The following HIVEP2 variants were observed in gnomAD, a reference collection of about 807,000 sequenced individuals.
The protein encoded by HIVEP2 is transcription factor HIVEP2.
Under a neutral mutation model 180.7 loss-of-function variants are expected in HIVEP2, and 14 were observed. That is an observed-to-expected ratio of 0.08 (90% CI 0.05 to 0.12). The LOEUF is 0.12. Among genes scored for constraint, HIVEP2 ranks in the 10% least tolerant of loss-of-function variants. The pLI, the probability that HIVEP2 is intolerant of heterozygous loss-of-function variation, is 1.00. For missense variants in HIVEP2, 2,579 were observed against 3,008.5 expected, an observed-to-expected ratio of 0.86 and a Z score of 3.34; for synonymous variants, 1,184 against 1,136.4, an observed-to-expected ratio of 1.04 and a Z score of -0.84.
chr6:142,768,141 T>A (rs1775420256), intron 6 of HIVEP2, among the ~76,000 whole-genome samples: 1 of 152,012 alleles, frequency 6.6e-6, no homozygotes, highest in South Asian at 2.1e-4. Flanking sequence ...ATTAGAGGGG[T>A]GAAAATTTAA....
rs562387816 is a variant in HIVEP2 at position 142,932,647 on chromosome 6, GA to G, written c.-641+12451del. Among the ~76,000 whole-genome samples the G allele has an allele frequency of 8.9e-4, 136 of 152,306 alleles. 1 individual carries two copies. In the South Asian group the frequency reaches 0.015, roughly 16 times the overall value. On this transcript the variant is annotated intron_variant, in intron 1 of 9. Coordinates refer to ENST00000367603, the MANE Select transcript of HIVEP2 (RefSeq NM_006734.4). Reference sequence around the variant, plus strand: ...GATTGCTATCTTTAAATAATTGTAGGATTGTCATGCAAGACAATGAGTAAAC... The same window carrying G: ...GATTGCTATCTTTAAATAATTGTAGGTTGTCATGCAAGACAATGAGTAAAC...
intron 2 of HIVEP2, among the ~76,000 whole-genome samples, chr6:142,825,972 AG>A (rs1246298101): frequency 1.3e-5 from 2 of 152,132 alleles, no homozygotes; most frequent in Non-Finnish European, 2.9e-5. Flanking sequence ...TTTAAAATAA[AG>A]CAATAAATAT....
chr6:142,875,066 C>T (rs1158788090), intron 1 of HIVEP2, among the ~76,000 whole-genome samples: 1 of 152,160 alleles, frequency 6.6e-6, no homozygotes, highest in Non-Finnish European at 1.5e-5. Flanking sequence ...ATTTCAGATT[C>T]TGATCATTTC....
At chr6:142,818,227 C>T (rs1373114843) in intron 2 of HIVEP2, among the ~76,000 whole-genome samples, 2 of 152,134 alleles carry the variant, frequency 1.3e-5, no homozygotes, top group Non-Finnish European at 2.9e-5. Flanking sequence ...GTCCAATGTA[C>T]AAGCTCCCTT....
At chr6:142,933,307 T>C (rs1431648539) in intron 1 of HIVEP2, among the ~76,000 whole-genome samples, 1 of 152,200 alleles carries the variant, frequency 6.6e-6, no homozygotes, top group Non-Finnish European at 1.5e-5. Context: ...CTGTAAAACT[T>C]TGAAATGAAA....
intron 1 of HIVEP2, among the ~76,000 whole-genome samples, chr6:142,911,758 G>T (rs945702072): frequency 1.3e-5 from 2 of 152,106 alleles, no homozygotes; most frequent in African/African-American, 4.8e-5. Context: ...AACAATCAGG[G>T]GAAATGTGTG....
chr6:142,803,408 C>T (rs1408915178), intron 2 of HIVEP2, among the ~76,000 whole-genome samples: 1 of 152,012 alleles, frequency 6.6e-6, no homozygotes, highest in African/African-American at 2.4e-5. Context: ...AAAGGCAAGG[C>T]ATATAATTAG....
At chr6:142,924,353 C>T (rs1047468646) in intron 1 of HIVEP2, among the ~76,000 whole-genome samples, 1 of 151,568 alleles carries the variant, frequency 6.6e-6, no homozygotes, top group Non-Finnish European at 1.5e-5. Flanking sequence ...GCAACTACTC[C>T]GGGTCAGGCA....
intron 1 of HIVEP2, among the ~76,000 whole-genome samples, chr6:142,901,124 T>C (rs921151524): frequency 5.9e-5 from 9 of 152,248 alleles, no homozygotes; most frequent in African/African-American, 2.2e-4. Context: ...GCTAGCAAAC[T>C]GATTCTTTTC....
Position 142,773,731 on chromosome 6 carries a change from A to G in HIVEP2, c.1008T>C (p.Pro336=). 6.2e-7 allele frequency: 1 copy of G among 1,614,044 alleles called. No individual in the cohort carries two copies. Among genetic ancestry groups the G allele is most frequent in the Non-Finnish European group, 8.5e-7 (1 of 1,179,994 alleles). The change falls in exon 5 of 10, where the codon CCT becomes CCC. Residue 336 remains proline (P), a synonymous_variant. Coordinates refer to ENST00000367603, the MANE Select transcript of HIVEP2 (RefSeq NM_006734.4). ...TATACTGAGAGCTTTCATTAGGGAG[A>G]GGAATCCCACTTTTAGGGATAATCA... ...PILIIPKSGI[P]LPNESSQYIG... is the part of the protein sequence containing the mutation.
rs1238263585 is a variant in HIVEP2 at position 142,761,453 on chromosome 6, G to A, written c.5620+11C>T. On this transcript the variant is annotated intron_variant, in intron 8 of 9. Transcript: ENST00000367603. ...TGAAGAGGTCTGTCAACTCATTTAT[G>A]ACATACACACCTGCTTCCTCAGTTT... 2.1e-6 allele frequency: 3 copies of A among 1,398,840 alleles called. No individual in the cohort carries two copies. The highest frequency in any genetic ancestry group is 2.8e-5 in the African/African-American group (2 of 70,710). 86.7% of individuals were successfully genotyped at this position (1,398,840 alleles called of 1,614,324 possible).
Position 142,775,081 on chromosome 6 carries a change from A to G in HIVEP2, c.-343T>C. The G allele has an allele frequency of 9.7e-7, 1 of 1,033,572 alleles. No homozygotes were observed. Among genetic ancestry groups the G allele is most frequent in the Non-Finnish European group, 1.2e-6 (1 of 861,292 alleles). 64.0% of individuals were successfully genotyped at this position (1,033,572 alleles called of 1,614,324 possible). ...TAGTCTAGGAGAAATTTTGCCCATCAACTAGAGCAAAGTTCAATTGCCAGT... is the reference window on the plus strand; with the variant it reads ...TAGTCTAGGAGAAATTTTGCCCATCGACTAGAGCAAAGTTCAATTGCCAGT... On this transcript the variant is annotated 5_prime_UTR_variant, in exon 5 of 10. The change abolishes the stop of an existing upstream ORF in the 5' untranslated region. Transcript: ENST00000367603.
intron 2 of HIVEP2, among the ~76,000 whole-genome samples, chr6:142,802,526 G>GA (rs112222829): frequency 3.2e-4 from 45 of 142,004 alleles, no homozygotes; most frequent in East Asian, 1.0e-3. Context: ...AGTAATAAAG[G>GA]AAAAAAAAAA....
At chr6:142,870,045 G>A (rs552575155) in intron 1 of HIVEP2, among the ~76,000 whole-genome samples, 1 of 152,022 alleles carries the variant, frequency 6.6e-6, no homozygotes, top group East Asian at 1.9e-4. Flanking sequence ...AAACCATCTG[G>A]CAGCCGTGAC....
rs377634175 is a variant in HIVEP2 at position 142,753,438 on chromosome 6, C to T, written c.7010G>A (p.Arg2337Gln). 6.2e-6 allele frequency: 10 copies of T among 1,613,828 alleles called. No individual in the cohort carries two copies. The highest frequency in any genetic ancestry group is 5.1e-6 in the Non-Finnish European group (6 of 1,180,036). ...CAGAGCTGCCTCTTCCGTGGCAATC[C>T]GGAGAGAGGCAATGGCTTTTGTACA... ...QTCTKAIASL[R>Q]IATEEAALLG... is the part of the protein sequence containing the mutation. Residue 2337 changes from arginine to glutamine, a missense_variant, in exon 10 of 10, where the codon CGG becomes CAG. Arg to Gln is a conservative substitution (Grantham distance 43). Around this residue, in one of 11 missense-constraint regions of HIVEP2, gnomAD observed 660 missense variants for 731.7 expected, o/e 0.90. Coordinates refer to ENST00000367603, the MANE Select transcript of HIVEP2 (RefSeq NM_006734.4).
At chr6:142,794,541 A>T (rs1226139474) in intron 2 of HIVEP2, among the ~76,000 whole-genome samples, 1 of 152,208 alleles carries the variant, frequency 6.6e-6, no homozygotes, top group African/African-American at 2.4e-5. Context: ...ACTGGATAGG[A>T]GCACTAATTA....
chr6:142,760,771 G>A, intron 8 of HIVEP2, 104 bp from the exon 9 acceptor site: 2 of 783,640 alleles, frequency 2.6e-6, no homozygotes, highest in Non-Finnish European at 4.0e-6. Flanking sequence ...AATCCCTAGT[G>A]CCCACAGATA....
chr6:142,940,681 G>GTGTCTAGC (rs1778155078), intron 1 of HIVEP2, among the ~76,000 whole-genome samples: 1 of 151,304 alleles, frequency 6.6e-6, no homozygotes, highest in Non-Finnish European at 1.5e-5. Context: ...TATACCCTGC[G>GTGTCTAGC]TGTCTAGCAC....
intron 2 of HIVEP2, among the ~76,000 whole-genome samples, chr6:142,835,915 T>C (rs985363957): frequency 4.6e-5 from 7 of 152,214 alleles, no homozygotes; most frequent in Non-Finnish European, 1.0e-4. Context: ...TGACATCATC[T>C]TGTCTTAAGA....
Sources: allele counts gnomAD v4.1 joint callset (sites outside exome capture counted in the v4.1 genomes callset), GRCh38; gene constraint gnomAD v4.1.1; regional missense constraint gnomAD v4.1.1; transcripts MANE v1.5; gene names NCBI Gene and HGNC (gene_info 2026-07-23, HGNC 2026-07-21).